Variants in ANO4 observed in about 807,000 individuals in gnomAD.
ANO4 encodes the protein anoctamin-4.
Under a neutral mutation model 141.9 loss-of-function variants are expected in ANO4, and 69 were observed. The observed-to-expected ratio is 0.49, with a 90% CI of 0.40 to 0.59. ANO4 has a LOEUF of 0.59. ANO4 is among the 20% of genes least tolerant of loss of function. The pLI is 0.00. For synonymous variants in ANO4, 350 were observed against 394.3 expected, an observed-to-expected ratio of 0.89 and a Z score of 1.33; for missense variants, 894 against 1,162.2, an observed-to-expected ratio of 0.77 and a Z score of 3.36.
chr12:100,898,502 T>C (rs1434665689), intron 1 of ANO4, among the ~76,000 whole-genome samples: 1 of 152,218 alleles, frequency 6.6e-6, no homozygotes, highest in Non-Finnish European at 1.5e-5. Context: ...CAAATTTCCA[T>C]GTAACATACC....
At chr12:100,987,442 TG>T in intron 7 of ANO4, 96 bp from the exon 8 acceptor site, 1 of 1,448,232 alleles carries the variant, frequency 6.9e-7, no homozygotes, top group Non-Finnish European at 9.4e-7. Flanking sequence ...CTGGAATGTG[TG>T]GTATGATAGT....
At chr12:100,827,474 T>C (rs2036413511) in intron 1 of ANO4, among the ~76,000 whole-genome samples, 1 of 152,014 alleles carries the variant, frequency 6.6e-6, no homozygotes, top group South Asian at 2.1e-4. Flanking sequence ...TTTGTTGTTT[T>C]TTTATCCCTC....
intron 1 of ANO4, among the ~76,000 whole-genome samples, chr12:100,733,439 T>G (rs1165575497): frequency 6.6e-6 from 1 of 152,182 alleles, no homozygotes; most frequent in Non-Finnish European, 1.5e-5. Flanking sequence ...CTCTTTAGTC[T>G]ATAGTCTGGG....
At chr12:100,797,367 A>G (rs1345906748) in intron 1 of ANO4, among the ~76,000 whole-genome samples, 1 of 148,994 alleles carries the variant, frequency 6.7e-6, no homozygotes, top group Non-Finnish European at 1.5e-5. Context: ...GGGAGAGTGC[A>G]TTTTTCAGCA....
In ANO4 at chr12:100,974,787, A is replaced by G. The variant is rs777078363; in HGVS notation, c.558-58A>G. 1.9e-6 allele frequency: 3 copies of G among 1,582,518 alleles called. No homozygotes were observed. The Admixed American group carries it at 5.0e-5, about 26-fold the overall frequency. On this transcript the variant is annotated intron_variant, in intron 6 of 27. Transcript: ENST00000392977. ...TCTCCTTTCCTTCCTTGCTAGTTCA[A>G]ACTGTAACTGACGATGGGTTTTCTT...
At chr12:100,989,736 TAGATGGATGGATATATGGATGGATGG>T (rs1566096418) in intron 8 of ANO4, among the ~76,000 whole-genome samples, 7,857 of 143,238 alleles carry the variant, frequency 0.055, 276 homozygotes, top group Non-Finnish European at 0.066. Flanking sequence ...GATGGGTGGA[TAGATGGATGGATATATGGATGGATGG>T]ATGGATGGAT....
At chr12:101,049,559 GTGGA>G (rs147983546) in intron 14 of ANO4, among the ~76,000 whole-genome samples, 14,009 of 151,054 alleles carry the variant, frequency 0.093, 700 homozygotes, top group South Asian at 0.15. Flanking sequence ...GGATAGATAG[GTGGA>G]TGGATGGATG....
intron 8 of ANO4, among the ~76,000 whole-genome samples, chr12:101,018,762 A>G (rs958169697): frequency 1.3e-5 from 2 of 152,198 alleles, no homozygotes; most frequent in African/African-American, 4.8e-5. Flanking sequence ...TCATGGTCTT[A>G]CATGGAAGGA....
chr12:101,030,755 A>T (rs1476889741), intron 9 of ANO4, among the ~76,000 whole-genome samples: 1 of 152,174 alleles, frequency 6.6e-6, no homozygotes, highest in Non-Finnish European at 1.5e-5. Context: ...CCCATAAAAA[A>T]TGATAAAGGG....
intron 14 of ANO4, among the ~76,000 whole-genome samples, chr12:101,057,167 C>G (rs1050152461): frequency 1.3e-4 from 20 of 151,918 alleles, no homozygotes; most frequent in Admixed American, 1.2e-3. Context: ...ATCCATGTCC[C>G]TGAAAAGGAC....
At position 101,063,487 on chromosome 12, in the gene ANO4, G is replaced by T. The variant is rs112901442; in HGVS notation, c.1312+15086G>T. Among the ~76,000 whole-genome samples the T allele has an allele frequency of 2.5e-3, 379 of 152,124 alleles. 3 individuals are homozygous for T. Among genetic ancestry groups the T allele is most frequent in the African/African-American group, 8.4e-3 (350 of 41,484 alleles). The stretch of plus-strand genomic sequence containing the variant: ...ATTTGATTTGCTAAAATACTTTCAG[G>T]ATTTTTCCATCTATCTTCATGAGGG... On this transcript the variant is annotated intron_variant, in intron 14 of 27. Transcript: ENST00000392977.
chr12:101,102,231 A>C (rs2050221119), intron 22 of ANO4, among the ~76,000 whole-genome samples: 1 of 152,200 alleles, frequency 6.6e-6, no homozygotes, highest in South Asian at 2.1e-4. Flanking sequence ...GTTTTTATTA[A>C]GAATTTACAT....
At chr12:100,882,482 A>G (rs2039618239) in intron 1 of ANO4, among the ~76,000 whole-genome samples, 1 of 152,126 alleles carries the variant, frequency 6.6e-6, no homozygotes, top group African/African-American at 2.4e-5. Flanking sequence ...TTAAAAACAC[A>G]TAGTTGGTAG....
chr12:100,948,141 A>G (rs2042807987), intron 5 of ANO4, among the ~76,000 whole-genome samples: 1 of 133,420 alleles, frequency 7.5e-6, no homozygotes, highest in Non-Finnish European at 1.6e-5. Flanking sequence ...ACAGAGCAAG[A>G]CTTCGTCTCA....
At position 101,088,813 on chromosome 12, in the gene ANO4, A is replaced by G. The variant is rs747359154; in HGVS notation, c.1701+1989A>G. 7.9e-5 allele frequency among the ~76,000 whole-genome samples: 12 copies of G among 152,090 alleles called. 1 individual carries two copies. Among genetic ancestry groups the G allele is most frequent in the Admixed American group, 2.0e-4 (3 of 15,254 alleles). On this transcript the variant is annotated intron_variant, in intron 17 of 27. Coordinates refer to ENST00000392977, the MANE Select transcript of ANO4 (RefSeq NM_001286615.2). ...TGAGATAGGGGGATCACTTGAGCCT[A>G]GGAGTTCACGACTGCAGTGAGTCAT...
chr12:101,097,312 T>C (rs1329088450), intron 19 of ANO4, among the ~76,000 whole-genome samples: 2 of 152,168 alleles, frequency 1.3e-5, no homozygotes, highest in Non-Finnish European at 2.9e-5. Flanking sequence ...AGCATGACTA[T>C]TACTCAGAAA....
At chr12:100,785,075 T>C (rs2033826502) in intron 3 of ANO4, among the ~76,000 whole-genome samples, 1 of 152,160 alleles carries the variant, frequency 6.6e-6, no homozygotes, top group Admixed American at 6.5e-5. Context: ...AATTCAGTTT[T>C]GTTGTATTTA....
intron 13 of ANO4, chr12:101,047,937 T>C (rs950906985): frequency 1.1e-5 from 10 of 881,770 alleles, no homozygotes; most frequent in Non-Finnish European, 1.4e-5. Flanking sequence ...AGTGAATAAA[T>C]GAGGCATTAA....
chr12:100,941,755 C>G (rs1190504118), intron 4 of ANO4, among the ~76,000 whole-genome samples: 3 of 151,948 alleles, frequency 2.0e-5, no homozygotes, highest in Middle Eastern at 3.4e-3. Context: ...AATGTGTTTT[C>G]CAGAGTGAGC....
Sources: gnomAD v4.1 joint callset for allele counts (sites outside exome capture counted in the v4.1 genomes callset) on GRCh38, gnomAD v4.1.1 for gene constraint, MANE v1.5 for transcripts, NCBI Gene and HGNC (gene_info 2026-07-23, HGNC 2026-07-21) for gene names.